The following CDH23 variants were observed in gnomAD, a reference collection of about 807,000 sequenced individuals.
CDH23 encodes the protein cadherin-23.
In CDH23, 189 loss-of-function variants were observed where a neutral mutation model predicts 317.1. The ratio of observed to expected loss-of-function variants is 0.60; its 90% confidence interval spans 0.53 to 0.67. CDH23 has a LOEUF of 0.67. CDH23 is among the 30% of genes least tolerant of loss of function. The probability of loss-of-function intolerance (pLI) is 0.00; values close to 1 mark genes in which losing one functional copy is unlikely to be tolerated. For synonymous variants in CDH23, 1,839 were observed against 1,876.8 expected (o/e 0.98, Z 0.52); for missense variants, 4,401 against 4,592.4 (o/e 0.96, Z 1.20).
intron 35 of CDH23, among the ~76,000 whole-genome samples, chr10:71,739,212 C>G (rs1038115755): frequency 1.6e-4 from 24 of 152,176 alleles, no homozygotes; most frequent in Non-Finnish European, 1.5e-5. Context: ...GCTGTGTGAC[C>G]TTGGCTGGTT....
chr10:71,514,730 C>T lies in CDH23; in HGVS notation c.429+3518C>T, dbSNP rs184168071. 4.7e-4 allele frequency among the ~76,000 whole-genome samples: 71 copies of T among 152,280 alleles called. 1 individual carries two copies. Among genetic ancestry groups the T allele is most frequent in the African/African-American group, 1.6e-3 (65 of 41,560 alleles). ...TGCAATTCACTTGTCGAAGTCCTAA[C>T]GAGGCAGTGTAGATGCTTTCAAGTC... is the stretch of plus-strand genomic sequence containing the variant. On this transcript the variant is annotated intron_variant, in intron 6 of 69. Coordinates refer to ENST00000224721, the MANE Select transcript of CDH23 (RefSeq NM_022124.6).
intron 38 of CDH23, among the ~76,000 whole-genome samples, chr10:71,744,817 C>T (rs188472298): frequency 2.0e-4 from 31 of 152,334 alleles, no homozygotes; most frequent in African/African-American, 6.5e-4. Flanking sequence ...TATGGGGCTT[C>T]CTGGGCTGAA....
intron 61 of CDH23, among the ~76,000 whole-genome samples, 182 bp from the exon 62 acceptor site, chr10:71,810,290 G>A (rs1353216788): frequency 6.6e-6 from 1 of 152,220 alleles, no homozygotes; most frequent in African/African-American, 2.4e-5. Flanking sequence ...ATAATAAATA[G>A]TACCTGGCCA....
intron 11 of CDH23, among the ~76,000 whole-genome samples, chr10:71,631,836 A>G (rs559813107): frequency 1.3e-5 from 2 of 152,330 alleles, no homozygotes; most frequent in African/African-American, 2.4e-5. Context: ...TAGATCACCA[A>G]AGGGAATTGA....
chr10:71,785,770 T>G (rs919632657), intron 44 of CDH23, 32 bp downstream of exon 44: 1 of 1,380,866 alleles, frequency 7.2e-7, no homozygotes, highest in Non-Finnish European at 1.0e-6. Flanking sequence ...GGGAGTGGGC[T>G]GGGAGCTAGA....
intron 3 of CDH23, among the ~76,000 whole-genome samples, chr10:71,467,547 T>C (rs1279117125): frequency 6.6e-6 from 1 of 152,156 alleles, no homozygotes; most frequent in Non-Finnish European, 1.5e-5. Flanking sequence ...TGGGAGGCAG[T>C]GCGCCATAGT....
At chr10:71,767,242 C>T (rs571432061) in intron 38 of CDH23, among the ~76,000 whole-genome samples, 21 of 152,316 alleles carry the variant, frequency 1.4e-4, no homozygotes, top group East Asian at 7.7e-4. Flanking sequence ...TGAGTGTGCA[C>T]GGGATGGGTG....
At chr10:71,600,333 C>T (rs1860134965) in intron 9 of CDH23, among the ~76,000 whole-genome samples, 1 of 151,680 alleles carries the variant, frequency 6.6e-6, no homozygotes, top group South Asian at 2.1e-4. Flanking sequence ...GGTTGGCCCA[C>T]TGATGCTTTA....
intron 9 of CDH23, among the ~76,000 whole-genome samples, chr10:71,585,999 T>A (rs1205216129): frequency 1.3e-5 from 2 of 152,228 alleles, no homozygotes; most frequent in African/African-American, 4.8e-5. Context: ...GGCAGGAGTC[T>A]GTCTCTGTCC....
chr10:71,677,399 A>G, intron 15 of CDH23, 57 bp from the exon 16 acceptor site: 1 of 1,415,672 alleles, frequency 7.1e-7, no homozygotes, highest in South Asian at 1.3e-5. Flanking sequence ...CGGCCCCATC[A>G]ACAAGCCTGT....
chr10:71,667,359 A>AGAGAGAGAGAGAGAGTGTGTGT (rs58361666), intron 14 of CDH23, among the ~76,000 whole-genome samples: 3 of 112,080 alleles, frequency 2.7e-5, no homozygotes, highest in Admixed American at 1.7e-4. Context: ...AGAGAGAGAG[A>AGAGAGAGAGAGAGAGTGTGTGT]GTGTGTGTGT....
intron 3 of CDH23, among the ~76,000 whole-genome samples, chr10:71,457,374 CAG>C (rs1187796951): frequency 2.0e-5 from 3 of 152,198 alleles, no homozygotes; most frequent in African/African-American, 7.2e-5. Flanking sequence ...GTTCCAGGCT[CAG>C]AGAGAGATCC....
intron 3 of CDH23, among the ~76,000 whole-genome samples, chr10:71,461,554 G>A (rs1850985319): frequency 6.6e-6 from 1 of 152,228 alleles, no homozygotes; most frequent in Admixed American, 6.5e-5. Context: ...ACATTGCCCT[G>A]GGAGTGGTGC....
intron 11 of CDH23, among the ~76,000 whole-genome samples, chr10:71,641,092 G>A (rs1862524949): frequency 6.6e-6 from 1 of 152,178 alleles, no homozygotes; most frequent in Non-Finnish European, 1.5e-5. Context: ...GGCCAGTGGA[G>A]AACTACCCCT....
Position 71,803,386 on chromosome 10 carries a change from G to C in CDH23, c.7838G>C (p.Arg2613Pro). The C allele has an allele frequency of 6.3e-7, 1 of 1,598,884 alleles. No individual in the cohort carries two copies. Among genetic ancestry groups the C allele is most frequent in the Non-Finnish European group, 8.5e-7 (1 of 1,173,462 alleles). Residue 2613 changes from arginine to proline, a missense_variant, in exon 55 of 70, where the codon CGC becomes CCC. Coordinates refer to ENST00000224721, the MANE Select transcript of CDH23 (RefSeq NM_022124.6). ...DVNDNRPVFV[R>P]PPNGTILHIR... Reference sequence around the variant, plus strand: ...AATGACAACCGCCCTGTCTTTGTGCGCCCACCCAACGGCACCATCCTCCAC... The same window carrying C: ...AATGACAACCGCCCTGTCTTTGTGCCCCCACCCAACGGCACCATCCTCCAC...
chr10:71,455,763 T>G (rs930624674), intron 3 of CDH23, among the ~76,000 whole-genome samples: 2 of 152,214 alleles, frequency 1.3e-5, no homozygotes, highest in African/African-American at 4.8e-5. Context: ...ATTTTCCACC[T>G]GTGCATTCAC....
chr10:71,494,841 C>G (rs764895211), intron 3 of CDH23, among the ~76,000 whole-genome samples: 4 of 152,204 alleles, frequency 2.6e-5, no homozygotes, highest in Non-Finnish European at 5.9e-5. Flanking sequence ...GACTGAGTAC[C>G]TGGAAGGCCT....
At chr10:71,490,258 A>G (rs1017573901) in intron 3 of CDH23, among the ~76,000 whole-genome samples, 1 of 152,024 alleles carries the variant, frequency 6.6e-6, no homozygotes, top group African/African-American at 2.4e-5. Context: ...TTTATCTGCT[A>G]TTTTCAGTTG....
chr10:71,618,319 C>T (rs1278660296), intron 11 of CDH23, among the ~76,000 whole-genome samples: 2 of 152,012 alleles, frequency 1.3e-5, no homozygotes, highest in African/African-American at 4.8e-5. Context: ...GGGGGCAGCC[C>T]CCTGCACTGG....
Sources: gnomAD v4.1 joint callset for allele counts (sites outside exome capture counted in the v4.1 genomes callset) on GRCh38, gnomAD v4.1.1 for gene constraint, MANE v1.5 for transcripts, NCBI Gene and HGNC (gene_info 2026-07-23, HGNC 2026-07-21) for gene names.